CRYBG3: variants seen among roughly 807,000 people sequenced by gnomAD.
CRYBG3 encodes the protein very large A-kinase anchor protein.
In CRYBG3, 127 loss-of-function variants were observed where a neutral mutation model predicts 244.2. The observed-to-expected ratio is 0.52, with a 90% CI of 0.45 to 0.60. The LOEUF (loss-of-function observed/expected upper bound fraction) is 0.60, where lower values mean the gene tolerates loss of function less well. Ranked by LOEUF, CRYBG3 falls within the 20% of genes least tolerant of loss-of-function variation. CRYBG3 has a pLI of 0.00. For missense variants in CRYBG3, 3,325 were observed against 3,442.5 expected, an observed-to-expected ratio of 0.97 and a Z score of 0.85; for synonymous variants, 1,132 against 1,195.8, an observed-to-expected ratio of 0.95 and a Z score of 1.10.
chr3:97,897,626 T>C (rs576763075), intron 12 of CRYBG3, among the ~76,000 whole-genome samples: 23 of 152,298 alleles, frequency 1.5e-4, no homozygotes, highest in African/African-American at 5.5e-4. Flanking sequence ...CTCTTAATTA[T>C]ATTTAATATT....
At chr3:97,822,784 G>A (rs1182905264) in intron 1 of CRYBG3, among the ~76,000 whole-genome samples, 1 of 152,234 alleles carries the variant, frequency 6.6e-6, no homozygotes, top group Non-Finnish European at 1.5e-5. Flanking sequence ...GGGAATTGGG[G>A]GCGCGATCCC....
In CRYBG3 at chr3:97,936,762, T is replaced by C. The variant is rs370268682; in HGVS notation, c.8382-23T>C. The C allele has an allele frequency of 1.2e-5, 19 of 1,608,336 alleles. No individual in the cohort carries two copies. In the African/African-American group the frequency reaches 2.4e-4, roughly 20 times the overall value. ...TTTTTTTTGTTTTGAAGTACACTACTTTTTTCTTTCTTGTTCTCATAGATG... is the reference window on the plus strand; with the variant it reads ...TTTTTTTTGTTTTGAAGTACACTACCTTTTTCTTTCTTGTTCTCATAGATG... On this transcript the variant is annotated intron_variant, in intron 18 of 21. Transcript: ENST00000389622.
At chr3:97,886,962 C>G (rs543877399) in intron 8 of CRYBG3, among the ~76,000 whole-genome samples, 195 bp downstream of exon 8, 5 of 152,298 alleles carry the variant, frequency 3.3e-5, no homozygotes, top group African/African-American at 1.2e-4. Flanking sequence ...GTATAGAATT[C>G]TGAGATGTAG....
rs2039323576 is a variant in CRYBG3, at chr3:97,872,934, T to C, written c.1740T>C (p.His580=). 3.9e-6 allele frequency: 6 copies of C among 1,531,450 alleles called. No individual in the cohort carries two copies. Among genetic ancestry groups the C allele is most frequent in the Non-Finnish European group, 4.4e-6 (5 of 1,145,810 alleles). 94.9% of individuals were successfully genotyped at this position (1,531,450 alleles called of 1,614,324 possible). ...LDFRSHDKIP[H]IRMNKKDLAS... is the part of the protein sequence containing the mutation. ...TTAGGTCACATGATAAAATTCCTCATATTAGAATGAATAAAAAAGACCTGG... is the reference window on the plus strand; with the variant it reads ...TTAGGTCACATGATAAAATTCCTCACATTAGAATGAATAAAAAAGACCTGG... The change falls in exon 4 of 22, where the codon CAT becomes CAC. Residue 580 remains histidine (H), a synonymous_variant. Transcript: ENST00000389622.
At chr3:97,861,556 G>T (rs1469257476) in intron 2 of CRYBG3, among the ~76,000 whole-genome samples, 1 of 151,990 alleles carries the variant, frequency 6.6e-6, no homozygotes, top group African/African-American at 2.4e-5. Flanking sequence ...TGAACATGAG[G>T]GAAAAACATT....
At chr3:97,885,036 T>C (rs917821725) in intron 7 of CRYBG3, among the ~76,000 whole-genome samples, 15 of 152,144 alleles carry the variant, frequency 9.9e-5, no homozygotes, top group African/African-American at 3.6e-4. Flanking sequence ...AATTTGGAAG[T>C]ATTTGAAATA....
At chr3:97,860,470 G>T (rs1159386814) in intron 2 of CRYBG3, among the ~76,000 whole-genome samples, 2 of 152,136 alleles carry the variant, frequency 1.3e-5, no homozygotes, top group Non-Finnish European at 2.9e-5. Flanking sequence ...CATGCTGAGA[G>T]AATTTTCATT....
At chr3:97,897,473 G>C (rs1029761937) in intron 12 of CRYBG3, among the ~76,000 whole-genome samples, 2 of 151,808 alleles carry the variant, frequency 1.3e-5, no homozygotes, top group African/African-American at 4.8e-5. Flanking sequence ...GTTCATCATT[G>C]TTCCTTATTC....
chr3:97,903,768 AAAAG>A (rs1575952747), intron 15 of CRYBG3, among the ~76,000 whole-genome samples: 1 of 152,206 alleles, frequency 6.6e-6, no homozygotes, highest in East Asian at 1.9e-4. Context: ...TTATGTAGCA[AAAAG>A]AATTTCTGTA....
At chr3:97,883,727 T>C (rs867840510) in intron 7 of CRYBG3, among the ~76,000 whole-genome samples, 12 of 152,194 alleles carry the variant, frequency 7.9e-5, no homozygotes, top group Middle Eastern at 3.2e-3. Context: ...CTATTGAGCA[T>C]TGAATGGAAG....
chr3:97,828,843 A>T lies in CRYBG3; in HGVS notation c.149+6488A>T, dbSNP rs560316962. On this transcript the variant is annotated intron_variant, in intron 1 of 21. Coordinates refer to ENST00000389622, the MANE Select transcript of CRYBG3 (RefSeq NM_153605.4). ...AACTCCATCTCAAAAAAAAAAAAAA[A>T]AATAACAAAAACAAACAAACAAACA... Among the ~76,000 whole-genome samples, 103 of 151,336 alleles carry T rather than the reference A, an allele frequency of 6.8e-4. 1 individual carries two copies. Among genetic ancestry groups the T allele is most frequent in the South Asian group, 2.7e-3 (13 of 4,816 alleles).
chr3:97,888,520 A>G (rs2039535383), intron 9 of CRYBG3, 65 bp downstream of exon 9: 3 of 1,072,924 alleles, frequency 2.8e-6, no homozygotes, highest in Non-Finnish European at 4.3e-6. Flanking sequence ...TTAAATAACC[A>G]TGATGTTTGC....
intron 1 of CRYBG3, among the ~76,000 whole-genome samples, chr3:97,826,188 A>C (rs185720991): frequency 2.0e-5 from 3 of 152,282 alleles, no homozygotes; most frequent in Admixed American, 2.0e-4. Flanking sequence ...TAGGGTATCA[A>C]AAGTCCACCT....
chr3:97,933,650 G>C lies in CRYBG3; in HGVS notation c.8242-44G>C, dbSNP rs751748420. Reference sequence around the variant, plus strand: ...TGTGTTCAGACTGGGATGTCACTGAGATATGGCCACTCCTATGGTGACGCT... The same window carrying C: ...TGTGTTCAGACTGGGATGTCACTGACATATGGCCACTCCTATGGTGACGCT... On this transcript the variant is annotated intron_variant, in intron 17 of 21. Coordinates refer to ENST00000389622, the MANE Select transcript of CRYBG3 (RefSeq NM_153605.4). 3.1e-6 allele frequency: 5 copies of C among 1,602,914 alleles called. No homozygotes were observed. In the South Asian group the frequency reaches 5.5e-5, roughly 18 times the overall value.
At chr3:97,841,684 A>G (rs1576514196) in intron 1 of CRYBG3, among the ~76,000 whole-genome samples, 1 of 151,996 alleles carries the variant, frequency 6.6e-6, no homozygotes, top group Admixed American at 6.6e-5. Flanking sequence ...ACCAGTGACC[A>G]CTATTCGACA....
chr3:97,825,240 G>A (rs2038563057), intron 1 of CRYBG3, among the ~76,000 whole-genome samples: 1 of 152,192 alleles, frequency 6.6e-6, no homozygotes, highest in Admixed American at 6.5e-5. Flanking sequence ...CTGTTATACA[G>A]ATATTGCTGA....
intron 20 of CRYBG3, 84 bp downstream of exon 20, chr3:97,941,390 T>C (rs956784153): frequency 1.0e-6 from 1 of 989,574 alleles, no homozygotes; most frequent in Non-Finnish European, 1.4e-6. Flanking sequence ...TCAACTGGCA[T>C]GATAAAACAA....
chr3:97,886,149 A>G (rs895306699), intron 7 of CRYBG3, among the ~76,000 whole-genome samples: 6 of 152,102 alleles, frequency 3.9e-5, no homozygotes, highest in Admixed American at 2.0e-4. Context: ...TCTAATGACT[A>G]TTTCTTTTGT....
chr3:97,854,392 G>C (rs1344035040), intron 2 of CRYBG3, among the ~76,000 whole-genome samples: 2 of 151,910 alleles, frequency 1.3e-5, no homozygotes, highest in African/African-American at 2.4e-5. Context: ...GAAGAATGAT[G>C]GTGGTATTTT....
Sources: gnomAD v4.1 joint callset for allele counts (sites outside exome capture counted in the v4.1 genomes callset) on GRCh38, gnomAD v4.1.1 for gene constraint, MANE v1.5 for transcripts, NCBI Gene and HGNC (gene_info 2026-07-23, HGNC 2026-07-21) for gene names.